Variants in PANK4 observed in about 807,000 individuals in gnomAD.
The protein encoded by PANK4 is 4'-phosphopantetheine phosphatase.
A neutral mutation model predicts 87.9 loss-of-function variants in PANK4; 40 were observed. That is an observed-to-expected ratio of 0.46 (90% CI 0.35 to 0.59). The LOEUF is 0.59. Ranked by LOEUF, PANK4 falls within the 20% of genes least tolerant of loss-of-function variation. The pLI, the probability that PANK4 is intolerant of heterozygous loss-of-function variation, is 0.00. For synonymous variants in PANK4, 524 were observed against 467.4 expected (o/e 1.12, Z -1.56); for missense variants, 926 against 1,072.3 (o/e 0.86, Z 1.90).
intron 13 of PANK4, 168 bp downstream of exon 13, chr1:2,512,720 C>CCTGGCG (rs1483002670): frequency 7.4e-6 from 5 of 679,362 alleles, no homozygotes; most frequent in Non-Finnish European, 1.3e-5. Context: ...CTGCCCAGCC[C>CCTGGCG]CTGGCGCTGC....
Position 2,510,045 on chromosome 1 carries a change from G to A in PANK4, c.2039+12C>T, listed in dbSNP as rs777778664. 13 of 1,597,982 alleles carry A rather than the reference G, an allele frequency of 8.1e-6. No individual in the cohort carries two copies. The highest frequency in any genetic ancestry group is 2.3e-5 in the East Asian group (1 of 44,318). Reference sequence around the variant, plus strand: ...CATCAAGGCCCCCCCAGCACTGCCCGCCAACACTCACTGCACGACAGGGTC... The same window carrying A: ...CATCAAGGCCCCCCCAGCACTGCCCACCAACACTCACTGCACGACAGGGTC... On this transcript the variant is annotated intron_variant, in intron 17 of 18. Coordinates refer to ENST00000378466, the MANE Select transcript of PANK4 (RefSeq NM_018216.4). This position sits in a 1 kb window ranked among gnomAD's most constrained non-coding sequence, Gnocchi z 4.9.
intron 13 of PANK4, 112 bp downstream of exon 13, chr1:2,512,776 A>T: frequency 9.2e-7 from 1 of 1,091,410 alleles, no homozygotes; most frequent in Non-Finnish European, 1.4e-6. Context: ...CCACCAAGCC[A>T]CCAAGCGCCA....
At chr1:2,514,265 C>T (rs1643717575) in intron 11 of PANK4, 89 bp downstream of exon 11, 31 of 1,208,236 alleles carry the variant, frequency 2.6e-5, no homozygotes, top group Non-Finnish European at 3.5e-5. Context: ...GAGCTGGGGT[C>T]CGAATGCCAA....
chr1:2,512,761 C>G, intron 13 of PANK4, 127 bp downstream of exon 13: 1 of 936,586 alleles, frequency 1.1e-6, no homozygotes, highest in Admixed American at 2.0e-5. Context: ...CCCCAAAGCC[C>G]TGAGCCACCA....
Position 2,519,819 on chromosome 1 carries a change from A to T in PANK4, c.835T>A (p.Ser279Thr). The change falls in exon 6 of 19, where the codon TCG becomes ACG. Residue 279 changes from serine to threonine, a missense_variant. Transcript: ENST00000378466. This position sits in a 1 kb window ranked among gnomAD's most constrained non-coding sequence, Gnocchi z 8.3. ...GNLIASSFGK[S>T]ATADQEFSKE... Reference sequence around the variant, plus strand: ...TGAGCACCTTGGTCGGCGGTGGCCGACTTCCCGAAGCTGCTGGCGATGAGG... The same window carrying T: ...TGAGCACCTTGGTCGGCGGTGGCCGTCTTCCCGAAGCTGCTGGCGATGAGG... 3 of 1,579,624 alleles carry T rather than the reference A, an allele frequency of 1.9e-6. No individual in the cohort carries two copies. The highest frequency in any genetic ancestry group is 2.6e-6 in the Non-Finnish European group (3 of 1,164,170).
rs1355843177 is a variant in PANK4 at position 2,520,801 on chromosome 1, C to A, written c.528G>T (p.Glu176Asp). The A allele has an allele frequency of 6.2e-7, 1 of 1,612,306 alleles. No individual in the cohort carries two copies. The highest frequency in any genetic ancestry group is 1.7e-5 in the Admixed American group (1 of 59,626). The change falls in exon 4 of 19, where the codon GAG becomes GAT. Residue 176 changes from glutamate to aspartate, a missense_variant. Glu to Asp is a conservative substitution (Grantham distance 45, BLOSUM62 2). Transcript: ENST00000378466. The surrounding 1 kb of genome is among the most constrained non-coding windows in gnomAD (Gnocchi z 6.2). ...AFVYQKDSDP[E>D]FRFQTNHPHI... ...GGGGGTGGTTGGTCTGGAACCGGAA[C>A]TCAGGGTCGGAATCCTTCTGGTACA...
rs577558662 is a variant in PANK4, at chr1:2,515,324, G to A, written c.1374+238C>T. 10 of 693,768 alleles carry A rather than the reference G, an allele frequency of 1.4e-5. No individual in the cohort carries two copies. The South Asian group carries it at 1.5e-4, about 10-fold the overall frequency. The allele number at this position is 693,768 out of a possible 1,614,324, so 43.0% of individuals were successfully genotyped here. On this transcript the variant is annotated intron_variant, in intron 10 of 18. Coordinates refer to ENST00000378466, the MANE Select transcript of PANK4 (RefSeq NM_018216.4). This position sits in a 1 kb window ranked among gnomAD's most constrained non-coding sequence, Gnocchi z 5.0. The stretch of plus-strand genomic sequence containing the variant: ...AATGTGCTAGCTAGCAGAACTATCA[G>A]CTGCCCTTAGAAGCAACGTGCCTCG...
In PANK4 at chr1:2,509,892, G is replaced by C. The variant is rs1643630686; in HGVS notation, c.2078C>G (p.Thr693Arg). 1 of 1,611,982 alleles carries C rather than the reference G, an allele frequency of 6.2e-7. No individual in the cohort carries two copies. Among genetic ancestry groups the C allele is most frequent in the Non-Finnish European group, 8.5e-7 (1 of 1,179,816 alleles). The change falls in exon 18 of 19, where the codon ACG becomes AGG. Residue 693 changes from threonine (T) to arginine (R), a missense_variant. Transcript: ENST00000378466. The surrounding 1 kb of genome is among the most constrained non-coding windows in gnomAD (Gnocchi z 4.9). ...GTCGAGGCACGGGGAGCTGGAGCCC[G>C]TCTGCACCAGCAGCAGCCTCTCTTC... ...LQEERLLLVQ[T>R]GSSSPCLDLS...
rs1465441521 is a variant in PANK4, at chr1:2,519,100, G to A, written c.1035+43C>T. ...AGCATGACTGATTGGGAAGATCCTG[G>A]GGGGTCTGCGTTAGAGGCTGGGGAG... On this transcript the variant is annotated intron_variant, in intron 7 of 18. Transcript: ENST00000378466. The surrounding 1 kb of genome is among the most constrained non-coding windows in gnomAD (Gnocchi z 8.3). The A allele has an allele frequency of 1.3e-6, 2 of 1,563,382 alleles. No individual in the cohort carries two copies. Among genetic ancestry groups the A allele is most frequent in the Admixed American group, 1.7e-5 (1 of 58,544 alleles).
chr1:2,513,135 C>T, intron 12 of PANK4, 96 bp from the exon 13 acceptor site: 2 of 1,380,444 alleles, frequency 1.4e-6, no homozygotes, highest in Non-Finnish European at 2.0e-6. Context: ...CCACGCCCCT[C>T]AGGATCGAAG....
At position 2,515,301 on chromosome 1, in the gene PANK4, T is replaced by C. The variant is rs564051458; in HGVS notation, c.1374+261A>G. Reference sequence around the variant, plus strand: ...TCTCCTAAATTGCTTTTTGAAGGAATGTGCTAGCTAGCAGAACTATCAGCT... The same window carrying C: ...TCTCCTAAATTGCTTTTTGAAGGAACGTGCTAGCTAGCAGAACTATCAGCT... On this transcript the variant is annotated intron_variant, in intron 10 of 18. Transcript: ENST00000378466. The surrounding 1 kb of genome is among the most constrained non-coding windows in gnomAD (Gnocchi z 5.0). 7 of 676,152 alleles carry C rather than the reference T, an allele frequency of 1.0e-5. No individual in the cohort carries two copies. The highest frequency in any genetic ancestry group is 8.8e-5 in the African/African-American group (5 of 56,926). 41.9% of individuals were successfully genotyped at this position (676,152 alleles called of 1,614,324 possible). A position where few individuals can be genotyped will look rare whatever the true frequency, so the allele number is the denominator to read the frequency against.
Position 2,520,606 on chromosome 1 carries a change from C to T in PANK4, c.606+117G>A. ...GGCTCTGAGCTCACAGCCTCGCCAC[C>T]CCCCTCCCGCCCACTGGGCCCCATC... On this transcript the variant is annotated intron_variant, in intron 4 of 18. Transcript: ENST00000378466. The surrounding 1 kb of genome is among the most constrained non-coding windows in gnomAD (Gnocchi z 6.2). 8.8e-7 allele frequency: 1 copy of T among 1,137,288 alleles called. No individual in the cohort carries two copies. Among genetic ancestry groups the T allele is most frequent in the African/African-American group, 1.5e-5 (1 of 64,888 alleles). 70.4% of individuals were successfully genotyped at this position (1,137,288 alleles called of 1,614,324 possible). A position where few individuals can be genotyped will look rare whatever the true frequency, so the allele number is the denominator to read the frequency against.
intron 10 of PANK4, 48 bp from the exon 11 acceptor site, chr1:2,514,514 T>C (rs1470038117): frequency 7.1e-7 from 1 of 1,398,758 alleles, no homozygotes; most frequent in African/African-American, 1.9e-5. Flanking sequence ...GCCCTGCTGC[T>C]TGCGAATCCC....
At chr1:2,512,708 C>T in intron 13 of PANK4, 180 bp downstream of exon 13, 1 of 644,500 alleles carries the variant, frequency 1.6e-6, no homozygotes, top group Non-Finnish European at 2.7e-6. Flanking sequence ...GGGCGCTGCG[C>T]CCTGCCCAGC....
At position 2,508,744 on chromosome 1, in the gene PANK4, A is replaced by G; in HGVS notation, c.*103T>C. The stretch of plus-strand genomic sequence containing the variant: ...GGCTGGGGTGTATGTGCCGCGTCAC[A>G]GCAGTACCATATAAATACGTTGATT... On this transcript the variant is annotated 3_prime_UTR_variant, in exon 19 of 19. Coordinates refer to ENST00000378466, the MANE Select transcript of PANK4 (RefSeq NM_018216.4). This position sits in a 1 kb window ranked among gnomAD's most constrained non-coding sequence, Gnocchi z 5.1. 1 of 733,520 alleles carries G rather than the reference A, an allele frequency of 1.4e-6. No individual in the cohort carries two copies. The highest frequency in any genetic ancestry group is 2.4e-6 in the Non-Finnish European group (1 of 421,274). 45.4% of individuals were successfully genotyped at this position (733,520 alleles called of 1,614,324 possible).
Position 2,520,956 on chromosome 1 carries a change from C to T in PANK4, c.423-50G>A, listed in dbSNP as rs759311631. On this transcript the variant is annotated intron_variant, in intron 3 of 18. Coordinates refer to ENST00000378466, the MANE Select transcript of PANK4 (RefSeq NM_018216.4). The surrounding 1 kb of genome is among the most constrained non-coding windows in gnomAD (Gnocchi z 6.2). ...AAAGAGTCTGGGCCACAGACAGGTG[C>T]AACCATGCAAGCCTGCCTGGTCCGA... The T allele has an allele frequency of 1.3e-6, 2 of 1,530,608 alleles. No homozygotes were observed. Among genetic ancestry groups the T allele is most frequent in the Admixed American group, 1.9e-5 (1 of 51,946 alleles). 94.8% of individuals were successfully genotyped at this position (1,530,608 alleles called of 1,614,324 possible). A position where few individuals can be genotyped will look rare whatever the true frequency, so the allele number is the denominator to read the frequency against.
At chr1:2,521,366 C>A (rs372491273) in intron 2 of PANK4, 51 bp from the exon 3 acceptor site, 25 of 1,416,900 alleles carry the variant, frequency 1.8e-5, no homozygotes, top group Non-Finnish European at 2.3e-5. Context: ...CCGCGCCGGG[C>A]TGGGCTGTGC....
chr1:2,522,582 TA>T (rs924493936), intron 1 of PANK4, among the ~76,000 whole-genome samples: 85 of 146,802 alleles, frequency 5.8e-4, no homozygotes, highest in Non-Finnish European at 1.0e-3. Flanking sequence ...TCTTCTAAGT[TA>T]AAAAAAAAAA....
In PANK4 at chr1:2,521,722, C is replaced by G. The variant is rs768577935; in HGVS notation, c.203G>C (p.Gly68Ala). 1.5e-5 allele frequency: 24 copies of G among 1,613,498 alleles called. No individual in the cohort carries two copies. Among genetic ancestry groups the G allele is most frequent in the Non-Finnish European group, 2.0e-5 (24 of 1,179,700 alleles). ...GTGGCCACAGTGCAGGCTCACCTTT[C>G]CGGAGTGGTCGAAAGACCGCACCTT... is the stretch of plus-strand genomic sequence containing the variant. The part of the protein sequence containing the change: ...VAKVRSFDHS[G>A]KDTEREHEPP... The change falls in exon 2 of 19, where the codon GGA becomes GCA. Residue 68 changes from glycine (G) to alanine (A), a missense_variant. Gly to Ala is a moderately conservative substitution (Grantham distance 60). Transcript: ENST00000378466.
Sources: allele counts gnomAD v4.1 joint callset (sites outside exome capture counted in the v4.1 genomes callset), GRCh38; gene constraint gnomAD v4.1.1; non-coding constraint Gnocchi (gnomAD v3.1); transcripts MANE v1.5; gene names NCBI Gene and HGNC (gene_info 2026-07-23, HGNC 2026-07-21).